The following NFIB variants were observed in gnomAD, a reference collection of about 807,000 sequenced individuals.
NFIB encodes nuclear factor I B.
Under a neutral mutation model 61.5 loss-of-function variants are expected in NFIB, and 11 were observed. The ratio of observed to expected loss-of-function variants is 0.18; its 90% confidence interval spans 0.11 to 0.30. The LOEUF is 0.30. Ranked by LOEUF, NFIB falls within the 10% of genes least tolerant of loss-of-function variation. The pLI is 1.00. For synonymous variants in NFIB, 260 were observed against 216.5 expected (o/e 1.20, Z -1.76); for missense variants, 471 against 608.9 (o/e 0.77, Z 2.38).
intron 1 of NFIB, among the ~76,000 whole-genome samples, chr9:14,354,945 G>A (rs958314355): frequency 6.6e-6 from 1 of 152,098 alleles, no homozygotes; most frequent in African/African-American, 2.4e-5. Context: ...GGAGGAGCAG[G>A]TCTCTCTAAA....
chr9:14,310,366 A>AG (rs1204437426), intron 1 of NFIB, among the ~76,000 whole-genome samples: 1 of 152,172 alleles, frequency 6.6e-6, no homozygotes, highest in Admixed American at 6.6e-5. Flanking sequence ...TTATTTGACA[A>AG]GGGGACATAT....
intron 1 of NFIB, among the ~76,000 whole-genome samples, chr9:14,346,291 C>A (rs1303278532): frequency 2.6e-5 from 1 of 38,734 alleles, no homozygotes; most frequent in East Asian, 5.3e-4. Context: ...GTAACCGACA[C>A]CCCCCCCCCG....
At chr9:14,492,575 G>C in the NFIB span, among the ~76,000 whole-genome samples, 1 of 151,992 alleles carries the variant, frequency 6.6e-6, no homozygotes, top group Non-Finnish European at 1.5e-5. Flanking sequence ...AGGAAGAAGA[G>C]GGAGGGGGAA....
At chr9:14,221,893 A>G (rs929383012) in intron 2 of NFIB, among the ~76,000 whole-genome samples, 5 of 152,140 alleles carry the variant, frequency 3.3e-5, no homozygotes, top group Non-Finnish European at 7.3e-5. Context: ...CCCTTTCTGA[A>G]CCACCATATC....
At chr9:14,124,649 A>C (rs963504037) in intron 7 of NFIB, among the ~76,000 whole-genome samples, 1 of 152,178 alleles carries the variant, frequency 6.6e-6, no homozygotes, top group Non-Finnish European at 1.5e-5. Context: ...AACTTTTTCC[A>C]CCTAAAATGC....
chr9:14,282,889 T>C (rs927929481), intron 2 of NFIB, among the ~76,000 whole-genome samples: 2 of 152,228 alleles, frequency 1.3e-5, no homozygotes, highest in Non-Finnish European at 2.9e-5. Flanking sequence ...TCTCTCTTTG[T>C]CTGAGAACTT....
intron 1 of NFIB, among the ~76,000 whole-genome samples, chr9:14,338,118 G>C (rs2060905492): frequency 6.6e-6 from 1 of 152,192 alleles, no homozygotes; most frequent in African/African-American, 2.4e-5. Flanking sequence ...TACGTAGCCG[G>C]GCGCAGTGGC....
At chr9:14,289,061 A>G (rs1459375219) in intron 2 of NFIB, among the ~76,000 whole-genome samples, 5 of 148,606 alleles carry the variant, frequency 3.4e-5, no homozygotes, top group Admixed American at 6.8e-5. Flanking sequence ...CTTTTTTATT[A>G]GTCATTAGAT....
chr9:14,135,916 A>C (rs905648016), intron 6 of NFIB, among the ~76,000 whole-genome samples: 9 of 152,188 alleles, frequency 5.9e-5, no homozygotes, highest in African/African-American at 2.2e-4. Context: ...TGTATTCCTC[A>C]GTAAAGTAAA....
At chr9:14,123,507 C>A (rs901059563) in intron 7 of NFIB, among the ~76,000 whole-genome samples, 20 of 152,320 alleles carry the variant, frequency 1.3e-4, no homozygotes, top group African/African-American at 4.3e-4. Flanking sequence ...CTTCCTACTG[C>A]TTCCAGAATA....
intron 2 of NFIB, among the ~76,000 whole-genome samples, chr9:14,251,266 A>C (rs1259786258): frequency 6.6e-6 from 1 of 152,200 alleles, no homozygotes; most frequent in East Asian, 1.9e-4. Flanking sequence ...CTGATTGCAT[A>C]CCAACACATA....
chr9:14,306,896 C>T, intron 2 of NFIB, 93 bp downstream of exon 2: 2 of 1,502,608 alleles, frequency 1.3e-6, no homozygotes, highest in Non-Finnish European at 1.8e-6. Context: ...ATCTAGGGGC[C>T]TTGAGGACCA....
At chr9:14,186,982 T>C (rs2047400476) in intron 2 of NFIB, among the ~76,000 whole-genome samples, 1 of 151,118 alleles carries the variant, frequency 6.6e-6, no homozygotes, top group East Asian at 1.9e-4. Context: ...TCTCTCTCTC[T>C]CTCCCTCCTT....
At chr9:14,424,533 C>T in the NFIB span, among the ~76,000 whole-genome samples, 2 of 152,174 alleles carry the variant, frequency 1.3e-5, no homozygotes, top group Non-Finnish European at 2.9e-5. Context: ...ACCTGCAGAA[C>T]GACATTCCTC....
rs561485306 is a variant in NFIB at position 14,179,629 on chromosome 9, A to G, written c.616+98T>C. On this transcript the variant is annotated intron_variant, in intron 3 of 10. Coordinates refer to ENST00000380953, the MANE Select transcript of NFIB (RefSeq NM_001190737.2). ...CCGATCATACCTGCCTGCCAGAACA[A>G]AATAGGCAGCTGACCAATTATGGGG... 7.5e-5 allele frequency: 101 copies of G among 1,339,814 alleles called. No individual in the cohort carries two copies. In the South Asian group the frequency reaches 1.3e-3, roughly 17 times the overall value. 83.0% of individuals were successfully genotyped at this position (1,339,814 alleles called of 1,614,324 possible).
At chr9:14,331,717 T>C (rs1040416795) in intron 1 of NFIB, among the ~76,000 whole-genome samples, 1 of 152,220 alleles carries the variant, frequency 6.6e-6, no homozygotes, top group Non-Finnish European at 1.5e-5. Flanking sequence ...ACGCAAAGGC[T>C]ATGTGACTCT....
At chr9:14,496,805 T>C in the NFIB span, among the ~76,000 whole-genome samples, 1 of 152,226 alleles carries the variant, frequency 6.6e-6, no homozygotes, top group African/African-American at 2.4e-5. Flanking sequence ...TGGCATGGAC[T>C]TTATCAGACA....
chr9:14,506,190 A>T, the NFIB span, among the ~76,000 whole-genome samples: 3 of 152,176 alleles, frequency 2.0e-5, no homozygotes, highest in African/African-American at 7.2e-5. Context: ...CCAACTTCCC[A>T]TGTTTTATTA....
Position 14,086,288 on chromosome 9 carries a change from C to G in NFIB, c.*2021G>C, listed in dbSNP as rs947162253. The G allele has an allele frequency of 1.4e-5, 3 of 219,980 alleles. No homozygotes were observed. The highest frequency in any genetic ancestry group is 2.7e-5 in the Non-Finnish European group (3 of 109,504). The allele number at this position is 219,980 out of a possible 1,614,324, so 13.6% of individuals were successfully genotyped here. A position where few individuals can be genotyped will look rare whatever the true frequency, so the allele number is the denominator to read the frequency against. Reference sequence around the variant, plus strand: ...ATATTAAAAAAAATCCCCTGTCCATCTCTCAGTACACAAAAGGACCTCATC... The same window carrying G: ...ATATTAAAAAAAATCCCCTGTCCATGTCTCAGTACACAAAAGGACCTCATC... On this transcript the variant is annotated 3_prime_UTR_variant, in exon 11 of 11. Transcript: ENST00000380953.
Sources: allele counts gnomAD v4.1 joint callset (sites outside exome capture counted in the v4.1 genomes callset), GRCh38; gene constraint gnomAD v4.1.1; transcripts MANE v1.5; gene names NCBI Gene and HGNC (gene_info 2026-07-23, HGNC 2026-07-21).